DLGAP1: variants seen among roughly 807,000 people sequenced by gnomAD.
DLGAP1 encodes DLG associated protein 1.
A neutral mutation model predicts 90.8 loss-of-function variants in DLGAP1; 11 were observed. The ratio of observed to expected loss-of-function variants is 0.12; its 90% confidence interval spans 0.08 to 0.20. The LOEUF (loss-of-function observed/expected upper bound fraction) is 0.20, where lower values mean the gene tolerates loss of function less well. Ranked by LOEUF, DLGAP1 falls within the 10% of genes least tolerant of loss-of-function variation. DLGAP1 has a pLI of 1.00. For missense variants in DLGAP1, 1,050 were observed against 1,333.8 expected, an observed-to-expected ratio of 0.79 and a Z score of 3.31; for synonymous variants, 558 against 540.7, an observed-to-expected ratio of 1.03 and a Z score of -0.44.
intron 7 of DLGAP1, among the ~76,000 whole-genome samples, chr18:3,600,419 A>G (rs1014064003): frequency 6.6e-6 from 1 of 151,802 alleles, no homozygotes; most frequent in Non-Finnish European, 1.5e-5. Context: ...TTGTATTAGT[A>G]GAGACGGGGT....
chr18:3,515,982 C>G (rs1268747152), intron 10 of DLGAP1, among the ~76,000 whole-genome samples: 1 of 152,094 alleles, frequency 6.6e-6, no homozygotes, highest in African/African-American at 2.4e-5. Context: ...CAAGTTTGAT[C>G]ATGAAATTAT....
At chr18:4,274,874 G>C (rs1381408652) in intron 1 of DLGAP1, among the ~76,000 whole-genome samples, 3 of 152,112 alleles carry the variant, frequency 2.0e-5, no homozygotes, top group African/African-American at 7.2e-5. Context: ...GACAAAACCA[G>C]TCCTGACCAT....
chr18:3,903,595 C>T (rs9951812), intron 3 of DLGAP1, among the ~76,000 whole-genome samples: 87,927 of 151,886 alleles, frequency 0.58, 25,587 homozygotes, highest in South Asian at 0.6. Context: ...TCTCTTAACC[C>T]TAGACACAAC....
intron 1 of DLGAP1, among the ~76,000 whole-genome samples, chr18:4,207,655 C>G (rs991811529): frequency 2.5e-4 from 38 of 152,148 alleles, no homozygotes; most frequent in African/African-American, 8.9e-4. Context: ...GCTTCTGCAG[C>G]CTTGGGAGAG....
At chr18:3,523,847 CA>C (rs36093730) in intron 10 of DLGAP1, among the ~76,000 whole-genome samples, 1,780 of 114,234 alleles carry the variant, frequency 0.016, 31 homozygotes, top group African/African-American at 0.051. Flanking sequence ...GACTCTGTCT[CA>C]AAAAAAAAAA....
intron 7 of DLGAP1, chr18:3,654,853 T>C (rs2059427557): frequency 6.6e-6 from 1 of 152,252 alleles, no homozygotes; most frequent in South Asian, 2.1e-4. Flanking sequence ...GAAACACCGC[T>C]GCCTGCACCT....
chr18:4,353,295 G>A (rs186263697), intron 1 of DLGAP1, among the ~76,000 whole-genome samples: 3 of 152,234 alleles, frequency 2.0e-5, no homozygotes, highest in Non-Finnish European at 1.5e-5. Flanking sequence ...CACTGAGCAC[G>A]GGGCTGCGAG....
intron 7 of DLGAP1, among the ~76,000 whole-genome samples, chr18:3,723,796 G>T (rs762763531): frequency 4.6e-5 from 7 of 152,140 alleles, no homozygotes; most frequent in Non-Finnish European, 8.8e-5. Context: ...GAGGGTGTAA[G>T]GTAGGAAGAT....
intron 1 of DLGAP1, among the ~76,000 whole-genome samples, chr18:4,341,806 A>T (rs1176641981): frequency 6.6e-6 from 1 of 152,160 alleles, no homozygotes; most frequent in Non-Finnish European, 1.5e-5. Flanking sequence ...TCTTACTTGG[A>T]AGAATGTTTT....
rs989643 is a variant in DLGAP1, at chr18:4,231,581, C to T, written c.-266-80294G>A. Among the ~76,000 whole-genome samples, 752 of 152,250 alleles carry T rather than the reference C, an allele frequency of 4.9e-3. 4 individuals are homozygous for T. The highest frequency in any genetic ancestry group is 0.017 in the African/African-American group (711 of 41,540). ...TGATCTCTCTGTTAGAGCTCTAGCC[C>T]TCCCTGGGGCTTGCTTCTTCCTTTG... On this transcript the variant is annotated intron_variant, in intron 1 of 12. Coordinates refer to ENST00000315677, the MANE Select transcript of DLGAP1 (RefSeq NM_004746.4).
At chr18:3,902,588 T>C (rs750915084) in intron 3 of DLGAP1, among the ~76,000 whole-genome samples, 1 of 152,226 alleles carries the variant, frequency 6.6e-6, no homozygotes, top group Non-Finnish European at 1.5e-5. Context: ...ACTGTACTTG[T>C]CTCATATTCT....
chr18:3,678,504 T>A (rs2060393991), intron 7 of DLGAP1, among the ~76,000 whole-genome samples: 3 of 152,200 alleles, frequency 2.0e-5, no homozygotes, highest in Admixed American at 2.0e-4. Flanking sequence ...TCGTTGTTTT[T>A]GTGTCTTATC....
rs532562929 is a variant in DLGAP1, at chr18:3,810,151, C to T, written c.1172+3908G>A. On this transcript the variant is annotated intron_variant, in intron 5 of 12. Coordinates refer to ENST00000315677, the MANE Select transcript of DLGAP1 (RefSeq NM_004746.4). ...CTGTGGGATAAGAGAAGAGAGTGAC[C>T]GAAATAATAGTTTTCCAAGAGTAGC... is the stretch of plus-strand genomic sequence containing the variant. 9.2e-5 allele frequency among the ~76,000 whole-genome samples: 14 copies of T among 152,120 alleles called. No homozygotes were observed. In the East Asian group the frequency reaches 2.5e-3, roughly 27 times the overall value.
chr18:4,437,038 G>A (rs986534382), intron 1 of DLGAP1, among the ~76,000 whole-genome samples: 11 of 152,144 alleles, frequency 7.2e-5, no homozygotes, highest in African/African-American at 2.7e-4. Flanking sequence ...ATGCTGCCAG[G>A]ACTTAGAAGA....
intron 7 of DLGAP1, among the ~76,000 whole-genome samples, chr18:3,685,218 C>T (rs992539403): frequency 6.6e-6 from 1 of 152,032 alleles, no homozygotes; most frequent in African/African-American, 2.4e-5. Context: ...GAAAGGAGCA[C>T]GACATGGAGC....
chr18:4,043,007 A>G (rs952306232), intron 2 of DLGAP1, among the ~76,000 whole-genome samples: 2 of 152,322 alleles, frequency 1.3e-5, no homozygotes, highest in Admixed American at 1.3e-4. Context: ...AAAATATAAC[A>G]TTTTATGTTC....
intron 2 of DLGAP1, among the ~76,000 whole-genome samples, chr18:4,071,369 T>C (rs1328378707): frequency 6.6e-6 from 1 of 152,142 alleles, no homozygotes; most frequent in Non-Finnish European, 1.5e-5. Context: ...CAACTTTTCA[T>C]AGGAAATAAT....
intron 2 of DLGAP1, among the ~76,000 whole-genome samples, chr18:4,079,287 T>TCACACACACACACA (rs6146196): frequency 4.9e-5 from 7 of 142,608 alleles, no homozygotes; most frequent in Non-Finnish European, 9.1e-5. Context: ...AAAGAAAATG[T>TCACACACACACACA]CACACACACA....
intron 1 of DLGAP1, among the ~76,000 whole-genome samples, chr18:4,442,902 G>A (rs953795256): frequency 2.0e-5 from 3 of 152,128 alleles, no homozygotes; most frequent in Admixed American, 6.5e-5. Flanking sequence ...TGATGTTCTT[G>A]CTCGGGGCTG....
Sources: allele counts gnomAD v4.1 joint callset (sites outside exome capture counted in the v4.1 genomes callset), GRCh38; gene constraint gnomAD v4.1.1; transcripts MANE v1.5; gene names NCBI Gene and HGNC (gene_info 2026-07-23, HGNC 2026-07-21).